The following PDE10A variants were observed in gnomAD, a reference collection of about 807,000 sequenced individuals.
PDE10A encodes cAMP and cAMP-inhibited cGMP 3',5'-cyclic phosphodiesterase 10A.
Under a neutral mutation model 97.7 loss-of-function variants are expected in PDE10A, and 39 were observed. That is an observed-to-expected ratio of 0.40 (90% CI 0.31 to 0.52). The LOEUF is 0.52. PDE10A is among the 20% of genes least tolerant of loss of function. PDE10A has a pLI of 0.56. For missense variants in PDE10A, 731 were observed against 1,047.8 expected, an observed-to-expected ratio of 0.70 and a Z score of 4.17; for synonymous variants, 371 against 376.8, an observed-to-expected ratio of 0.98 and a Z score of 0.18.
intron 1 of PDE10A, among the ~76,000 whole-genome samples, chr6:165,556,869 G>A (rs1281301122): frequency 1.3e-5 from 2 of 152,176 alleles, no homozygotes; most frequent in African/African-American, 4.8e-5. Flanking sequence ...GCCGGGTGCA[G>A]TGGCTCATGC....
chr6:165,697,742 G>A lies in PDE10A; in HGVS notation c.-614-154174C>T, dbSNP rs948113273. On this transcript the variant is annotated intron_variant, in intron 1 of 19. Transcript: ENST00000366882. Reference sequence around the variant, plus strand: ...GCGATTGGAAGTACTTAATGGGTGAGTTTCAGTTTGGGAAATTGAAAAAGC... The same window carrying A: ...GCGATTGGAAGTACTTAATGGGTGAATTTCAGTTTGGGAAATTGAAAAAGC... Among the ~76,000 whole-genome samples the A allele has an allele frequency of 2.0e-5, 3 of 152,322 alleles. No homozygotes were observed. The East Asian group carries it at 5.8e-4, about 29-fold the overall frequency.
upstream of PDE10A, among the ~76,000 whole-genome samples, chr6:165,664,029 G>T (rs893209001): frequency 2.9e-4 from 44 of 152,208 alleles, no homozygotes; most frequent in African/African-American, 8.7e-4. Context: ...ACCATGGCGC[G>T]CTGGGTCCGA....
chr6:165,811,246 A>ACC (rs967427030), intron 1 of PDE10A, among the ~76,000 whole-genome samples: 2 of 152,132 alleles, frequency 1.3e-5, no homozygotes, highest in Non-Finnish European at 2.9e-5. Flanking sequence ...ACAAAAACAA[A>ACC]CACACAAAAA....
intron 18 of PDE10A, among the ~76,000 whole-genome samples, chr6:165,348,613 G>A (rs779154507): frequency 2.6e-5 from 4 of 152,278 alleles, no homozygotes; most frequent in African/African-American, 9.6e-5. Context: ...CCTGCATTAC[G>A]TTTCCTCTCT....
At chr6:165,570,103 G>A (rs1052350605) in intron 1 of PDE10A, among the ~76,000 whole-genome samples, 2 of 152,144 alleles carry the variant, frequency 1.3e-5, no homozygotes, top group Admixed American at 6.5e-5. Context: ...GGACCTTTAA[G>A]AAGATGATTA....
At chr6:165,930,591 G>T (rs9356405) in intron 1 of PDE10A, among the ~76,000 whole-genome samples, 30,269 of 152,146 alleles carry the variant, frequency 0.2, 3,243 homozygotes, top group East Asian at 0.27. Context: ...GATACTCAGG[G>T]TCTGCCTTCA....
chr6:165,708,740 C>G (rs1171757107), intron 1 of PDE10A, among the ~76,000 whole-genome samples: 1 of 143,734 alleles, frequency 7.0e-6, no homozygotes, highest in African/African-American at 2.6e-5. Flanking sequence ...GCTCTGCCCC[C>G]ACTCTCCACC....
intron 1 of PDE10A, among the ~76,000 whole-genome samples, chr6:165,618,501 G>T (rs12211245): frequency 6.6e-6 from 1 of 152,026 alleles, no homozygotes; most frequent in Non-Finnish European, 1.5e-5. Flanking sequence ...GACATGGCCC[G>T]CCCACCTTCA....
chr6:165,956,850 G>T (rs1364874800), intron 1 of PDE10A, among the ~76,000 whole-genome samples: 1 of 152,078 alleles, frequency 6.6e-6, no homozygotes, highest in Non-Finnish European at 1.5e-5. Flanking sequence ...GGCAAATGAT[G>T]GTATATTTCC....
chr6:165,947,757 T>C (rs1783820897), intron 1 of PDE10A, among the ~76,000 whole-genome samples: 2 of 152,214 alleles, frequency 1.3e-5, no homozygotes, highest in African/African-American at 4.8e-5. Flanking sequence ...GAAATTGTCA[T>C]ACTTTTGGCC....
chr6:165,443,134 A>AAAAAAAAAAAG (rs35238119), intron 5 of PDE10A, among the ~76,000 whole-genome samples: 1 of 149,402 alleles, frequency 6.7e-6, no homozygotes, highest in African/African-American at 2.5e-5. Context: ...AAAAAAAAAA[A>AAAAAAAAAAAG]TGTCCAAGTC....
At chr6:165,387,061 T>A (rs1785358613) in intron 17 of PDE10A, among the ~76,000 whole-genome samples, 1 of 152,048 alleles carries the variant, frequency 6.6e-6, no homozygotes, top group Non-Finnish European at 1.5e-5. Flanking sequence ...GGTATGTATG[T>A]ATCTATGTAA....
In PDE10A at chr6:165,333,074, C is replaced by G; in HGVS notation, c.3119G>C (p.Trp1040Ser). ...CTGAGCCACGGATGGGGATGAAATCCAGGTTGCAGTCTCCTCCCCTCGAAT... is the reference window on the plus strand; with the variant it reads ...CTGAGCCACGGATGGGGATGAAATCGAGGTTGCAGTCTCCTCCCCTCGAAT... ...KVIRGEETAT[W>S]ISSPSVAQKA... The change falls in exon 22 of 22, where the codon TGG becomes TCG. Residue 1040 changes from tryptophan to serine, a missense_variant. Around this residue, in one of 8 missense-constraint regions of PDE10A, gnomAD observed 34 missense variants for 29.7 expected, o/e 1.14. Transcript: ENST00000539869. 6.2e-7 allele frequency: 1 copy of G among 1,613,442 alleles called. No individual in the cohort carries two copies. The highest frequency in any genetic ancestry group is 8.5e-7 in the Non-Finnish European group (1 of 1,179,450).
At chr6:165,517,779 G>A (rs528792656) in intron 2 of PDE10A, among the ~76,000 whole-genome samples, 2 of 152,312 alleles carry the variant, frequency 1.3e-5, no homozygotes, top group African/African-American at 2.4e-5. Flanking sequence ...TCATGCTGAG[G>A]TCAGTGGTGG....
intron 18 of PDE10A, among the ~76,000 whole-genome samples, chr6:165,372,735 G>A (rs1784346543): frequency 8.4e-6 from 1 of 118,534 alleles, no homozygotes; most frequent in Non-Finnish European, 1.7e-5. Context: ...ATACTTTAAA[G>A]TTCATATGGA....
rs116209516 is a variant in PDE10A, at chr6:165,881,219, C to T, written c.-615+106310G>A. ...TTTGGCTAATAGGAATGGAAATGTT[C>T]AATTAATTTCAAAATGTCAGCCCTT... On this transcript the variant is annotated intron_variant, in intron 1 of 19. Transcript: ENST00000366882. 6.6e-3 allele frequency among the ~76,000 whole-genome samples: 999 copies of T among 152,132 alleles called. 14 individuals carry two copies. The highest frequency in any genetic ancestry group is 0.022 in the African/African-American group (917 of 41,504).
At chr6:165,758,626 GGAA>G (rs748627722) in intron 1 of PDE10A, among the ~76,000 whole-genome samples, 3 of 149,178 alleles carry the variant, frequency 2.0e-5, no homozygotes, top group South Asian at 4.3e-4. Flanking sequence ...CAGAAGAAGA[GGAA>G]GAAGAAGAGG....
chr6:165,854,808 G>A (rs1377930771), intron 1 of PDE10A, among the ~76,000 whole-genome samples: 1 of 152,190 alleles, frequency 6.6e-6, no homozygotes. Flanking sequence ...GCGCCAGGCA[G>A]GGCAGGGCGG....
intron 1 of PDE10A, among the ~76,000 whole-genome samples, chr6:165,888,813 A>C (rs1369127258): frequency 6.6e-6 from 1 of 152,226 alleles, no homozygotes; most frequent in Non-Finnish European, 1.5e-5. Flanking sequence ...GAGTTCCAGA[A>C]GGAGAGGAAT....
Sources: gnomAD v4.1 joint callset for allele counts (sites outside exome capture counted in the v4.1 genomes callset) on GRCh38, gnomAD v4.1.1 for gene constraint, gnomAD v4.1.1 regional missense constraint, MANE v1.5 for transcripts, NCBI Gene and HGNC (gene_info 2026-07-23, HGNC 2026-07-21) for gene names.